The following ENOX1 variants were observed in gnomAD, a reference collection of about 807,000 sequenced individuals.
ENOX1 encodes the protein candidate growth-related and time keeping constitutive hydroquinone (NADH) oxidase.
Under a neutral mutation model 82.5 loss-of-function variants are expected in ENOX1, and 42 were observed. The observed-to-expected ratio is 0.51, with a 90% CI of 0.40 to 0.66. The LOEUF (loss-of-function observed/expected upper bound fraction) is 0.66, where lower values mean the gene tolerates loss of function less well. ENOX1 is among the 30% of genes least tolerant of loss of function. The probability of loss-of-function intolerance (pLI) is 0.00; values close to 1 mark genes in which losing one functional copy is unlikely to be tolerated. For synonymous variants in ENOX1, 271 were observed against 282.2 expected, an observed-to-expected ratio of 0.96 and a Z score of 0.40; for missense variants, 608 against 811.6, an observed-to-expected ratio of 0.75 and a Z score of 3.05.
intron 5 of ENOX1, among the ~76,000 whole-genome samples, chr13:43,368,769 C>G (rs760831650): frequency 2.1e-4 from 32 of 152,178 alleles, no homozygotes; most frequent in Admixed American, 5.2e-4. Context: ...TGGCCCTAAC[C>G]AAAGATTAGG....
intron 2 of ENOX1, among the ~76,000 whole-genome samples, chr13:43,532,847 T>C (rs1387917821): frequency 6.6e-6 from 1 of 151,338 alleles, no homozygotes; most frequent in Non-Finnish European, 1.5e-5. Context: ...TGTTAAACAA[T>C]GTGTTTTATT....
At chr13:43,350,743 C>T (rs972505435) in intron 8 of ENOX1, among the ~76,000 whole-genome samples, 1 of 152,210 alleles carries the variant, frequency 6.6e-6, no homozygotes, top group African/African-American at 2.4e-5. Flanking sequence ...CTACGCCCGG[C>T]TGGTGTTTTT....
At chr13:43,486,243 T>C (rs1221877491) in intron 2 of ENOX1, among the ~76,000 whole-genome samples, 1 of 151,800 alleles carries the variant, frequency 6.6e-6, no homozygotes. Flanking sequence ...ATTAGCCAGG[T>C]GTGGTGGTGC....
At chr13:43,781,351 CT>C (rs1403643112) in intron 1 of ENOX1, among the ~76,000 whole-genome samples, 1 of 152,136 alleles carries the variant, frequency 6.6e-6, no homozygotes, top group African/African-American at 2.4e-5. Context: ...GGGCACTGTT[CT>C]CAGTGCTGGG....
chr13:43,578,918 C>T (rs1219929869), intron 2 of ENOX1, among the ~76,000 whole-genome samples: 1 of 152,016 alleles, frequency 6.6e-6, no homozygotes, highest in Non-Finnish European at 1.5e-5. Flanking sequence ...TTCTAGAAGT[C>T]TTACTAGATT....
intron 5 of ENOX1, among the ~76,000 whole-genome samples, chr13:43,373,242 G>A (rs2051365311): frequency 6.6e-6 from 1 of 151,728 alleles, no homozygotes; most frequent in Admixed American, 6.6e-5. Flanking sequence ...TAACTTCTTT[G>A]GGTGGAAACC....
At position 43,470,319 on chromosome 13, in the gene ENOX1, C is replaced by CAT. The variant is rs1555289903; in HGVS notation, c.-75+13688_-75+13689dup. On this transcript the variant is annotated intron_variant, in intron 3 of 16. Transcript: ENST00000690772. ...ACACATATATATACATATATATACA[C>CAT]ATATATATATGTATATATATACGTA... Among the ~76,000 whole-genome samples the CAT allele has an allele frequency of 3.5e-4, 13 of 37,524 alleles. 1 individual carries two copies. The highest frequency in any genetic ancestry group is 2.0e-3 in the East Asian group (6 of 3,010). The allele number at this position is 37,524 out of a possible 152,430, so 24.6% of individuals were successfully genotyped here.
intron 10 of ENOX1, among the ~76,000 whole-genome samples, chr13:43,325,032 G>A (rs1425633809): frequency 2.0e-5 from 3 of 152,102 alleles, no homozygotes; most frequent in Admixed American, 2.0e-4. Flanking sequence ...TCCCAAATCT[G>A]AATCATAGTT....
chr13:43,756,722 T>G (rs539022632), intron 1 of ENOX1, among the ~76,000 whole-genome samples: 18 of 152,048 alleles, frequency 1.2e-4, no homozygotes, highest in Non-Finnish European at 2.4e-4. Context: ...CCAGAAGCAG[T>G]TGAGCTGAAA....
chr13:43,734,203 GTTGTTGTTGTTGTTGTTGTT>G (rs1313727005), intron 1 of ENOX1, among the ~76,000 whole-genome samples: 2 of 1,616 alleles, frequency 1.2e-3, no homozygotes, highest in South Asian at 0.036. Flanking sequence ...GTTGTTGGTT[GTTGTTGTTGTTGTTGTTGTT>G]GTTGTTGTTG....
intron 12 of ENOX1, among the ~76,000 whole-genome samples, chr13:43,276,772 T>G (rs925689527): frequency 6.6e-6 from 1 of 152,258 alleles, no homozygotes; most frequent in Non-Finnish European, 1.5e-5. Context: ...GGAGAGAGCC[T>G]GTCTCTGGGG....
chr13:43,350,683 G>A (rs2049718740), intron 8 of ENOX1, among the ~76,000 whole-genome samples: 1 of 152,160 alleles, frequency 6.6e-6, no homozygotes, highest in Admixed American at 6.5e-5. Context: ...GACCTCAGGT[G>A]ATCCACCCAT....
intron 2 of ENOX1, among the ~76,000 whole-genome samples, chr13:43,598,058 G>A (rs2081544929): frequency 1.3e-5 from 2 of 152,050 alleles, no homozygotes; most frequent in African/African-American, 4.8e-5. Flanking sequence ...CACTTTACAT[G>A]TTGAAATTGT....
chr13:43,285,003 A>G (rs2045611989), intron 12 of ENOX1, among the ~76,000 whole-genome samples: 2 of 152,212 alleles, frequency 1.3e-5, no homozygotes, highest in African/African-American at 4.8e-5. Context: ...TACCAGATGG[A>G]AGAAGCTGCA....
chr13:43,633,589 T>C (rs1364976917), intron 2 of ENOX1, among the ~76,000 whole-genome samples: 1 of 152,062 alleles, frequency 6.6e-6, no homozygotes, highest in Non-Finnish European at 1.5e-5. Context: ...ATATGTATAA[T>C]AATATGGGGA....
chr13:43,625,153 A>G (rs936086561), intron 2 of ENOX1, among the ~76,000 whole-genome samples: 2 of 151,958 alleles, frequency 1.3e-5, no homozygotes, highest in Non-Finnish European at 2.9e-5. Context: ...ATATTTTTCA[A>G]TTTCTGTGTC....
intron 1 of ENOX1, among the ~76,000 whole-genome samples, chr13:43,686,865 T>TCA (rs77737189): frequency 8.5e-6 from 1 of 117,000 alleles, no homozygotes; most frequent in Non-Finnish European, 1.7e-5. Context: ...CCAAGCAAAC[T>TCA]CGTGGAAAAC....
In ENOX1 at chr13:43,344,654, A is replaced by T; in HGVS notation, c.920T>A (p.Val307Glu). The T allele has an allele frequency of 6.2e-7, 1 of 1,614,122 alleles. No homozygotes were observed. ...GCGGACGTGGCTGTTGGCCGACTGC[A>T]CCATGGAATAGAACTGGTTTGCAGA... ...RRSANQFYSM[V>E]QSANSHVRRL... Residue 307 changes from valine (V) to glutamate (E), a missense_variant, in exon 9 of 17, where the codon GTG (valine) becomes GAG (glutamate). Coordinates refer to ENST00000690772, the MANE Select transcript of ENOX1 (RefSeq NM_001347969.2).
chr13:43,360,472 C>T (rs968271398), intron 6 of ENOX1, among the ~76,000 whole-genome samples: 1 of 151,942 alleles, frequency 6.6e-6, no homozygotes, highest in African/African-American at 2.4e-5. Context: ...AAACAGAATA[C>T]GGGAAGCATA....
Sources: allele counts gnomAD v4.1 joint callset (sites outside exome capture counted in the v4.1 genomes callset), GRCh38; gene constraint gnomAD v4.1.1; transcripts MANE v1.5; gene names NCBI Gene and HGNC (gene_info 2026-07-23, HGNC 2026-07-21).